CCPG1: variants seen among roughly 807,000 people sequenced by gnomAD.
CCPG1 encodes cell cycle progression protein 1.
CCPG1 carries 46 observed loss-of-function variants against 81.3 expected under a neutral mutation model. The ratio of observed to expected loss-of-function variants is 0.57; its 90% CI spans 0.45 to 0.72. The LOEUF (loss-of-function observed/expected upper bound fraction) is 0.72, where lower values mean the gene tolerates loss of function less well. CCPG1 is among the 30% of genes least tolerant of loss of function. CCPG1 has a pLI of 0.00. For synonymous variants in CCPG1, 330 were observed against 305.2 expected (o/e 1.08, Z -0.85); for missense variants, 902 against 937.6 (o/e 0.96, Z 0.50).
intron 4 of CCPG1, among the ~76,000 whole-genome samples, chr15:55,377,935 T>C (rs1052569453): frequency 5.9e-5 from 9 of 152,150 alleles, no homozygotes; most frequent in African/African-American, 1.4e-4. Flanking sequence ...CCATGTAAAA[T>C]GATCATCTAG....
chr15:55,364,602 T>C (rs988120915), intron 7 of CCPG1, among the ~76,000 whole-genome samples: 2 of 151,010 alleles, frequency 1.3e-5, no homozygotes, highest in East Asian at 4.1e-4. Context: ...TGGCCGAGCA[T>C]GGTGGCTGAC....
intron 1 of CCPG1, among the ~76,000 whole-genome samples, chr15:55,407,037 A>ACCACC (rs1555411230): frequency 8.9e-6 from 1 of 112,692 alleles, no homozygotes; most frequent in African/African-American, 4.6e-5. Context: ...ACACGTTGAG[A>ACCACC]CCCCCCCCCC....
At chr15:55,399,553 C>T (rs1566984443) in intron 1 of CCPG1, among the ~76,000 whole-genome samples, 2 of 152,040 alleles carry the variant, frequency 1.3e-5, no homozygotes, top group South Asian at 2.1e-4. Context: ...TGTGCCACTG[C>T]ACTCCAGCCT....
At chr15:55,356,696 A>G (rs1404415034) in intron 8 of CCPG1, 23 of 1,107,916 alleles carry the variant, frequency 2.1e-5, no homozygotes, top group Non-Finnish European at 2.5e-5. Context: ...ATGTGTTTCC[A>G]TTATTTTTCC....
intron 1 of CCPG1, among the ~76,000 whole-genome samples, chr15:55,407,597 G>A (rs2057262059): frequency 6.6e-6 from 1 of 152,140 alleles, no homozygotes; most frequent in African/African-American, 2.4e-5. Context: ...TAAACAACGC[G>A]TACAAGGCAC....
intron 3 of CCPG1, among the ~76,000 whole-genome samples, chr15:55,382,655 G>A (rs568970747): frequency 1.2e-3 from 182 of 151,976 alleles, no homozygotes; most frequent in Non-Finnish European, 1.9e-3. Context: ...GACTACAGGC[G>A]CCTGCCACCA....
intron 5 of CCPG1, chr15:55,374,012 T>C (rs536864812): frequency 5.5e-4 from 181 of 329,814 alleles, no homozygotes; most frequent in Middle Eastern, 4.5e-3. Context: ...GCAATAAGCT[T>C]GGCCAGCTCC....
At chr15:55,403,655 C>T (rs922588724) in intron 1 of CCPG1, among the ~76,000 whole-genome samples, 11 of 152,172 alleles carry the variant, frequency 7.2e-5, no homozygotes, top group Admixed American at 5.2e-4. Flanking sequence ...TGATGCAATA[C>T]ATTGCAAATG....
intron 5 of CCPG1, 148 bp from the exon 6 acceptor site, chr15:55,372,192 A>C: frequency 1.4e-6 from 1 of 700,800 alleles, no homozygotes; most frequent in Non-Finnish European, 2.3e-6. Flanking sequence ...AAACAAAAAC[A>C]CGGGTTTTCA....
At chr15:55,407,179 G>C (rs1027873893) in intron 1 of CCPG1, among the ~76,000 whole-genome samples, 3 of 150,682 alleles carry the variant, frequency 2.0e-5, no homozygotes, top group Admixed American at 6.6e-5. Flanking sequence ...AGTGAGCCGA[G>C]ATCGCGCCAC....
intron 1 of CCPG1, among the ~76,000 whole-genome samples, chr15:55,400,708 G>T (rs184773190): frequency 6.6e-6 from 1 of 152,068 alleles, no homozygotes; most frequent in Admixed American, 6.6e-5. Context: ...TTTAATTTCC[G>T]CTCATCTCAT....
chr15:55,395,644 C>T lies in CCPG1; in HGVS notation c.-9-6211G>A, dbSNP rs1188887569. 2.0e-5 allele frequency among the ~76,000 whole-genome samples: 3 copies of T among 152,158 alleles called. No homozygotes were observed. The East Asian group carries it at 5.8e-4, about 29-fold the overall frequency. On this transcript the variant is annotated intron_variant, in intron 1 of 8. Coordinates refer to ENST00000442196, the MANE Select transcript of CCPG1 (RefSeq NM_001204450.2). ...CCTCTGCTTGTCTCAGCTAACGGTT[C>T]ATTTCCTTTGAGAACCATCCCTTGA...
chr15:55,396,227 T>C (rs1442718057), intron 1 of CCPG1, among the ~76,000 whole-genome samples: 1 of 151,898 alleles, frequency 6.6e-6, no homozygotes, highest in East Asian at 1.9e-4. Context: ...ATCTGACCAT[T>C]GGTAAATGTA....
At position 55,385,602 on chromosome 15, in the gene CCPG1, C is replaced by T. The variant is rs983337935; in HGVS notation, c.173G>A (p.Gly58Glu). The change falls in exon 3 of 9, where the codon GGA becomes GAA. Residue 58 changes from glycine to glutamate, a missense_variant and splice_region_variant. By Grantham distance (98) the Gly-to-Glu change is moderately conservative. This residue lies in a region of CCPG1 where 746 missense variants were observed against 728.6 expected (regional missense o/e 1.02). Transcript: ENST00000442196. ...EELQALQIEQ[G>E]ESSQNGTVLM... ...ATTAGAATTTGTGAACAACTTACCT[C>T]CTTGCTCTATCTGCAATGCTTGAAG... The T allele has an allele frequency of 6.5e-7, 1 of 1,547,392 alleles. No individual in the cohort carries two copies. The highest frequency in any genetic ancestry group is 1.2e-5 in the South Asian group (1 of 86,566).
chr15:55,373,691 T>C (rs1196647479), intron 5 of CCPG1, among the ~76,000 whole-genome samples: 1 of 152,190 alleles, frequency 6.6e-6, no homozygotes, highest in Non-Finnish European at 1.5e-5. Context: ...AAACAAAGCA[T>C]TACATAATAC....
chr15:55,357,000 G>A, intron 8 of CCPG1: 3 of 985,420 alleles, frequency 3.0e-6, no homozygotes, highest in Non-Finnish European at 3.6e-6. Flanking sequence ...ATGGCTTTTG[G>A]ATTTTCAAGG....
At chr15:55,368,066 T>C (rs2056368521) in intron 6 of CCPG1, among the ~76,000 whole-genome samples, 2 of 152,134 alleles carry the variant, frequency 1.3e-5, no homozygotes, top group Admixed American at 6.5e-5. Flanking sequence ...GCAACATGAG[T>C]TTGAACTACA....
At chr15:55,373,159 C>T (rs898743680) in intron 5 of CCPG1, 5 of 408,718 alleles carry the variant, frequency 1.2e-5, no homozygotes, top group African/African-American at 4.3e-5. Context: ...TGGAAAAAAT[C>T]ACCTTCAGTT....
At chr15:55,377,451 C>A (rs568476068) in intron 4 of CCPG1, among the ~76,000 whole-genome samples, 1 of 152,302 alleles carries the variant, frequency 6.6e-6, no homozygotes, top group South Asian at 2.1e-4. Context: ...ACTTCTCTCA[C>A]GAGTTCCATG....
Sources: gnomAD v4.1 joint callset for allele counts (sites outside exome capture counted in the v4.1 genomes callset) on GRCh38, gnomAD v4.1.1 for gene constraint, gnomAD v4.1.1 regional missense constraint, MANE v1.5 for transcripts, NCBI Gene and HGNC (gene_info 2026-07-23, HGNC 2026-07-21) for gene names.